Variants in CCDC7 observed in about 807,000 individuals in gnomAD.
CCDC7 encodes coiled-coil domain-containing protein 7.
A neutral mutation model predicts 196.9 loss-of-function variants in CCDC7; 183 were observed. The ratio of observed to expected loss-of-function variants is 0.93; its 90% CI spans 0.82 to 1.05. The LOEUF (loss-of-function observed/expected upper bound fraction) is 1.05, where lower values mean the gene tolerates loss of function less well. Ranked by LOEUF, CCDC7 falls within the 50% of genes least tolerant of loss-of-function variation. The probability of loss-of-function intolerance (pLI) is 0.00; values close to 1 mark genes in which losing one functional copy is unlikely to be tolerated. For missense variants in CCDC7, 1,540 were observed against 1,482.2 expected (o/e 1.04, Z -0.64); for synonymous variants, 525 against 484.6 (o/e 1.08, Z -1.10).
At chr10:32,716,886 A>G (rs2081671876) in intron 25 of CCDC7, among the ~76,000 whole-genome samples, 1 of 152,216 alleles carries the variant, frequency 6.6e-6, no homozygotes, top group Admixed American at 6.5e-5. Context: ...AGGAGCACCC[A>G]GATTCATAAA....
intron 25 of CCDC7, among the ~76,000 whole-genome samples, chr10:32,725,913 T>C (rs2083055684): frequency 6.6e-6 from 1 of 152,106 alleles, no homozygotes. Context: ...CCAAACCATA[T>C]CAAATATGTA....
At chr10:32,702,937 A>T (rs1353583434) in intron 24 of CCDC7, among the ~76,000 whole-genome samples, 1 of 152,132 alleles carries the variant, frequency 6.6e-6, no homozygotes, top group Non-Finnish European at 1.5e-5. Context: ...TTTCCTGAAT[A>T]CAGCACACTG....
chr10:32,651,216 A>G (rs2068699841), intron 20 of CCDC7, among the ~76,000 whole-genome samples: 1 of 152,116 alleles, frequency 6.6e-6, no homozygotes, highest in Non-Finnish European at 1.5e-5. Flanking sequence ...TTGCAGTAAG[A>G]TTGAGCAGTC....
At chr10:32,669,861 A>C (rs1462276663) in intron 21 of CCDC7, among the ~76,000 whole-genome samples, 1 of 152,114 alleles carries the variant, frequency 6.6e-6, no homozygotes, top group African/African-American at 2.4e-5. Context: ...TTAAATATTT[A>C]ACTTTCAGGG....
chr10:32,700,437 A>G (rs945939851), intron 24 of CCDC7, among the ~76,000 whole-genome samples: 2 of 151,282 alleles, frequency 1.3e-5, no homozygotes, highest in Admixed American at 1.3e-4. Context: ...TACCAGTACT[A>G]TGCTCTTTTG....
chr10:32,834,721 C>T, intron 32 of CCDC7, 94 bp from the exon 34 acceptor site: 2 of 517,814 alleles, frequency 3.9e-6, no homozygotes, highest in Non-Finnish European at 7.1e-6. Flanking sequence ...TATTACTATT[C>T]ATACATACAA....
intron 9 of CCDC7, 102 bp from the exon 11 acceptor site, chr10:32,517,843 A>G: frequency 2.3e-6 from 3 of 1,324,584 alleles, no homozygotes; most frequent in Non-Finnish European, 3.1e-6. Flanking sequence ...AGCAGCAACT[A>G]ATTACTGAAT....
intron 28 of CCDC7, among the ~76,000 whole-genome samples, chr10:32,757,446 A>T (rs893793813): frequency 1.3e-5 from 2 of 152,180 alleles, no homozygotes; most frequent in African/African-American, 4.8e-5. Flanking sequence ...GGATTAAGAA[A>T]CTCACTCAAA....
intron 20 of CCDC7, among the ~76,000 whole-genome samples, chr10:32,655,020 G>C (rs1357136388): frequency 1.3e-5 from 2 of 152,176 alleles, no homozygotes; most frequent in Non-Finnish European, 2.9e-5. Flanking sequence ...TTCTGGACAA[G>C]GAAAGCTCTA....
chr10:32,784,698 A>G (rs1326006784), intron 29 of CCDC7, among the ~76,000 whole-genome samples: 1 of 151,906 alleles, frequency 6.6e-6, no homozygotes, highest in Non-Finnish European at 1.5e-5. Context: ...CAGCCTCCAG[A>G]GTAGCTGGGA....
intron 21 of CCDC7, among the ~76,000 whole-genome samples, chr10:32,677,941 T>A (rs1470806327): frequency 1.3e-5 from 2 of 152,072 alleles, no homozygotes; most frequent in Non-Finnish European, 2.9e-5. Flanking sequence ...TCAAAGGACC[T>A]GTCTTAGAGT....
chr10:32,654,651 C>T (rs1340070071), intron 20 of CCDC7, among the ~76,000 whole-genome samples: 1 of 152,106 alleles, frequency 6.6e-6, no homozygotes, highest in Non-Finnish European at 1.5e-5. Flanking sequence ...GAGGGGCTCC[C>T]TGTGTGTCTC....
chr10:32,558,943 G>T (rs939358986), intron 13 of CCDC7, among the ~76,000 whole-genome samples: 3 of 152,196 alleles, frequency 2.0e-5, no homozygotes, highest in Non-Finnish European at 4.4e-5. Flanking sequence ...ACAGCACCTG[G>T]AAATCAGGTC....
intron 15 of CCDC7, among the ~76,000 whole-genome samples, chr10:32,570,466 C>T (rs2057403165): frequency 6.6e-6 from 1 of 151,962 alleles, no homozygotes; most frequent in African/African-American, 2.4e-5. Context: ...CATATAGACA[C>T]AAAATGTATG....
intron 21 of CCDC7, among the ~76,000 whole-genome samples, chr10:32,678,769 G>A (rs1011696692): frequency 6.6e-6 from 1 of 152,138 alleles, no homozygotes; most frequent in African/African-American, 2.4e-5. Context: ...GACAGCTTGG[G>A]GAAGGTGTGA....
chr10:32,753,124 G>A (rs1419470661), intron 28 of CCDC7, among the ~76,000 whole-genome samples: 1 of 152,070 alleles, frequency 6.6e-6, no homozygotes, highest in Non-Finnish European at 1.5e-5. Flanking sequence ...CATCTATTTT[G>A]TAGCTCTGAA....
At chr10:32,456,367 A>G in intron 3 of CCDC7, 33 bp downstream of exon 4, 1 of 1,432,350 alleles carries the variant, frequency 7.0e-7, no homozygotes, top group Non-Finnish European at 9.3e-7. Flanking sequence ...CAAGTATAAA[A>G]TATCAAACTT....
chr10:32,646,713 G>T (rs1409375639), intron 20 of CCDC7, among the ~76,000 whole-genome samples: 1 of 152,158 alleles, frequency 6.6e-6, no homozygotes, highest in African/African-American at 2.4e-5. Flanking sequence ...GTACTACATA[G>T]GTAGTTTTTA....
chr10:32,583,361 AAAT>A, intron 17 of CCDC7, 54 bp downstream of exon 18: 2 of 1,099,096 alleles, frequency 1.8e-6, no homozygotes, highest in African/African-American at 1.6e-5. Flanking sequence ...CTCCTTCAAT[AAAT>A]AAATGCTAAC....
Sources: allele counts gnomAD v4.1 joint callset (sites outside exome capture counted in the v4.1 genomes callset), GRCh38; gene constraint gnomAD v4.1.1; transcripts MANE v1.5; gene names NCBI Gene and HGNC (gene_info 2026-07-23, HGNC 2026-07-21).